AFF2: variants seen among roughly 807,000 people sequenced by gnomAD.
AFF2 encodes the protein ALF transcription elongation factor 2.
AFF2 carries 14 observed loss-of-function variants against 76.9 expected under a neutral mutation model. That is an observed-to-expected ratio of 0.18 (90% CI 0.12 to 0.28). AFF2 has a LOEUF of 0.28. Ranked by LOEUF, AFF2 falls within the 10% of genes least tolerant of loss-of-function variation. The pLI, the probability that AFF2 is intolerant of heterozygous loss-of-function variation, is 1.00. For missense variants in AFF2, 868 were observed against 1,001.1 expected (o/e 0.87, Z 1.79); for synonymous variants, 398 against 366.7 (o/e 1.09, Z -0.98).
intron 16 of AFF2, among the ~76,000 whole-genome samples, chrX:148,977,284 A>T (rs918136606): frequency 9.0e-6 from 1 of 111,302 alleles, no homozygotes; most frequent in South Asian, 3.9e-4. Context: ...AGTGCAGAAC[A>T]GTAACAATTA....
chrX:148,770,273 T>C (rs2069570612), intron 3 of AFF2, among the ~76,000 whole-genome samples: 1 of 111,367 alleles, frequency 9.0e-6, no homozygotes, highest in South Asian at 3.8e-4. Flanking sequence ...TTGCTGGGGA[T>C]GGCTTCAGAA....
intron 9 of AFF2, among the ~76,000 whole-genome samples, chrX:148,932,388 A>G (rs1449614925): frequency 2.7e-5 from 3 of 111,531 alleles, no homozygotes; most frequent in African/African-American, 9.8e-5. Flanking sequence ...CTACCACTCT[A>G]TTTGTTGTTC....
intron 3 of AFF2, among the ~76,000 whole-genome samples, chrX:148,770,769 C>G (rs1180432255): frequency 8.9e-6 from 1 of 111,970 alleles, no homozygotes; most frequent in African/African-American, 3.2e-5. Context: ...CTTTCTGTTG[C>G]TGAAATTATT....
chrX:148,849,557 T>C (rs2070709924), intron 7 of AFF2, among the ~76,000 whole-genome samples: 1 of 110,473 alleles, frequency 9.1e-6, no homozygotes, highest in African/African-American at 3.3e-5. Context: ...TGCACATCAT[T>C]GTCTCAAGGA....
intron 9 of AFF2, among the ~76,000 whole-genome samples, chrX:148,941,661 T>A (rs1262215765): frequency 8.9e-6 from 1 of 112,305 alleles, no homozygotes; most frequent in African/African-American, 3.2e-5. Flanking sequence ...CTTTGCATTT[T>A]GTCAATGAAA....
intron 16 of AFF2, among the ~76,000 whole-genome samples, chrX:148,974,247 T>C (rs2072293781): frequency 9.0e-6 from 1 of 110,655 alleles, no homozygotes; most frequent in Non-Finnish European, 1.9e-5. Flanking sequence ...TTCTGTGTTA[T>C]CAAAAAATTC....
At chrX:148,909,377 T>A (rs2071444946) in intron 9 of AFF2, among the ~76,000 whole-genome samples, 1 of 112,191 alleles carries the variant, frequency 8.9e-6, no homozygotes, top group Admixed American at 9.4e-5. Context: ...TAACTAAGGC[T>A]AAATTAGCTT....
At chrX:148,833,558 C>T (rs373764099) in intron 4 of AFF2, among the ~76,000 whole-genome samples, 13 of 107,304 alleles carry the variant, frequency 1.2e-4, no homozygotes, top group South Asian at 4.2e-4. Flanking sequence ...GCCAATATGG[C>T]GCCACTGCAC....
intron 1 of AFF2, among the ~76,000 whole-genome samples, chrX:148,633,473 G>C (rs2053999820): frequency 8.9e-6 from 1 of 112,163 alleles, no homozygotes; most frequent in Non-Finnish European, 1.9e-5. Flanking sequence ...GCATACACAA[G>C]CCTCATCAGC....
chrX:148,749,947 CTTTATTTATTTA>C (rs56019532), intron 3 of AFF2, among the ~76,000 whole-genome samples: 1,061 of 101,749 alleles, frequency 0.01, 26 homozygotes, highest in African/African-American at 0.037. Flanking sequence ...GGCCTGCACC[CTTTATTTATTTA>C]TTTATTTATT....
In AFF2 at chrX:148,581,448, G is replaced by GTA. The variant is rs1292932896; in HGVS notation, c.48-70548_48-70547dup. ...CGTCTACGTGTACACACATATATAC[G>GTA]TATACGTCTACGTGTACACACATAT... On this transcript the variant is annotated intron_variant, in intron 1 of 20. Transcript: ENST00000370460. Among the ~76,000 whole-genome samples, 4 of 49,497 alleles carry GTA rather than the reference G, an allele frequency of 8.1e-5. 1 individual carries two copies. The highest frequency in any genetic ancestry group is 3.4e-4 in the African/African-American group (4 of 11,673). 43.0% of individuals were successfully genotyped at this position (49,497 alleles called of 115,157 possible). A position where few individuals can be genotyped will look rare whatever the true frequency, so the allele number is the denominator to read the frequency against.
At chrX:148,659,595 T>G (rs939922911) in intron 2 of AFF2, among the ~76,000 whole-genome samples, 2 of 112,687 alleles carry the variant, frequency 1.8e-5, no homozygotes. Flanking sequence ...GATATCACTG[T>G]TCATGAGGCA....
At chrX:148,692,419 A>T (rs1436310366) in intron 3 of AFF2, among the ~76,000 whole-genome samples, 2 of 112,356 alleles carry the variant, frequency 1.8e-5, no homozygotes, top group African/African-American at 6.5e-5. Context: ...TGTATTGGTC[A>T]GCATTACTGA....
chrX:148,980,536 T>G (rs1405586249), intron 18 of AFF2, among the ~76,000 whole-genome samples: 6 of 111,831 alleles, frequency 5.4e-5, no homozygotes, highest in South Asian at 7.6e-4. Context: ...TGGTCCTGAT[T>G]GGAGCCCACT....
chrX:148,903,806 A>T (rs2071380073), intron 8 of AFF2, among the ~76,000 whole-genome samples: 1 of 111,401 alleles, frequency 9.0e-6, no homozygotes, highest in African/African-American at 3.3e-5. Flanking sequence ...CACAAATCTA[A>T]AAATCCAGGA....
Position 148,962,743 on chromosome X carries a change from A to G in AFF2, c.2719A>G (p.Arg907Gly), listed in dbSNP as rs782715615. 27 of 1,207,904 alleles carry G rather than the reference A, an allele frequency of 2.2e-5. No homozygotes were observed. Among genetic ancestry groups the G allele is most frequent in the Non-Finnish European group, 2.8e-5 (25 of 893,741 alleles). The change falls in exon 13 of 21, where the codon AGA (arginine) becomes GGA (glycine). Residue 907 changes from arginine to glycine, a missense_variant. By Grantham distance (125) the Arg-to-Gly change is moderately radical. This residue lies in a region of AFF2 where 532 missense variants were observed against 564.2 expected (regional missense o/e 0.94). Transcript: ENST00000370460. ...ENNSSRRANRRKEEKLFPPPL... is the reference protein window; with the variant it reads ...ENNSSRRANRGKEEKLFPPPL... ...TAATTCATCCAGGAGAGCAAATAGA[A>G]GAAAGGAAGAAAAACTATTTCCTCC... is the stretch of plus-strand genomic sequence containing the variant.
chrX:148,702,525 G>A (rs889294453), intron 3 of AFF2, among the ~76,000 whole-genome samples: 4 of 111,492 alleles, frequency 3.6e-5, no homozygotes, highest in Non-Finnish European at 5.6e-5. Flanking sequence ...CTTCAGTGCC[G>A]CAATCAGGCA....
chrX:148,635,681 G>A (rs1557253694), intron 1 of AFF2, among the ~76,000 whole-genome samples: 2 of 111,451 alleles, frequency 1.8e-5, no homozygotes, highest in Non-Finnish European at 3.8e-5. Flanking sequence ...TGGATGAAAG[G>A]TGCAAGGCTT....
intron 3 of AFF2, among the ~76,000 whole-genome samples, chrX:148,737,556 C>T (rs2124560179): frequency 9.0e-6 from 1 of 111,516 alleles, no homozygotes; most frequent in East Asian, 2.8e-4. Flanking sequence ...ATCATATCAT[C>T]AGCAAACAGT....
Sources: gnomAD v4.1 joint callset for allele counts (sites outside exome capture counted in the v4.1 genomes callset) on GRCh38, gnomAD v4.1.1 for gene constraint, gnomAD v4.1.1 regional missense constraint, MANE v1.5 for transcripts, NCBI Gene and HGNC (gene_info 2026-07-23, HGNC 2026-07-21) for gene names.